Variants in RNF150 observed in about 807,000 individuals in gnomAD.
RNF150 encodes the protein ring finger protein 150.
Under a neutral mutation model 39.3 loss-of-function variants are expected in RNF150, and 24 were observed. The observed-to-expected ratio is 0.61, with a 90% CI of 0.44 to 0.86. RNF150 has a LOEUF of 0.86. Ranked by LOEUF, RNF150 falls within the 40% of genes least tolerant of loss-of-function variation. RNF150 has a pLI of 0.00. For synonymous variants in RNF150, 255 were observed against 227.3 expected (o/e 1.12, Z -1.10); for missense variants, 502 against 587.8 (o/e 0.85, Z 1.51).
intron 1 of RNF150, among the ~76,000 whole-genome samples, chr4:141,178,239 T>A (rs1727848641): frequency 6.6e-6 from 1 of 151,470 alleles, no homozygotes; most frequent in African/African-American, 2.4e-5. Flanking sequence ...AGTATGTGTG[T>A]GTGTATGTGT....
intron 1 of RNF150, among the ~76,000 whole-genome samples, chr4:141,041,586 C>A (rs1364656999): frequency 6.6e-6 from 1 of 151,972 alleles, no homozygotes; most frequent in Non-Finnish European, 1.5e-5. Flanking sequence ...AATCTCTGAC[C>A]AGGAGGAGAA....
intron 1 of RNF150, among the ~76,000 whole-genome samples, chr4:141,067,574 A>G (rs1250833091): frequency 6.6e-6 from 1 of 152,212 alleles, no homozygotes; most frequent in African/African-American, 2.4e-5. Context: ...GGGTACTTTG[A>G]TAACATTTAG....
intron 1 of RNF150, among the ~76,000 whole-genome samples, chr4:141,177,144 A>T (rs1344309443): frequency 6.6e-6 from 1 of 152,084 alleles, no homozygotes; most frequent in Non-Finnish European, 1.5e-5. Context: ...AGGTGGGAGA[A>T]TCCCTTGAGC....
intron 1 of RNF150, among the ~76,000 whole-genome samples, chr4:141,004,237 A>G (rs989951939): frequency 6.6e-6 from 1 of 151,998 alleles, no homozygotes; most frequent in South Asian, 2.1e-4. Context: ...AGTAAAAAAA[A>G]AAAAAAACTC....
chr4:141,053,394 G>C (rs1736852603), intron 1 of RNF150, among the ~76,000 whole-genome samples: 1 of 152,122 alleles, frequency 6.6e-6, no homozygotes, highest in African/African-American at 2.4e-5. Context: ...ATGGATATTA[G>C]CAAAATCATA....
At chr4:141,188,298 G>T (rs1479730603) in intron 1 of RNF150, among the ~76,000 whole-genome samples, 1 of 152,014 alleles carries the variant, frequency 6.6e-6, no homozygotes, top group African/African-American at 2.4e-5. Flanking sequence ...TTCGTTTCAA[G>T]CTTGGTGAAT....
chr4:141,171,444 A>T (rs1176609816), intron 1 of RNF150, among the ~76,000 whole-genome samples: 1 of 134,340 alleles, frequency 7.4e-6, no homozygotes, highest in African/African-American at 2.9e-5. Flanking sequence ...GGATGCATCT[A>T]TGAGAGACAG....
intron 4 of RNF150, among the ~76,000 whole-genome samples, chr4:140,926,369 T>G (rs142476888): frequency 1.1e-3 from 168 of 152,302 alleles, no homozygotes; most frequent in African/African-American, 3.9e-3. Context: ...AGGAAGAAGC[T>G]CCAATGAAAA....
chr4:141,102,192 C>T (rs1170675895), intron 1 of RNF150, among the ~76,000 whole-genome samples: 1 of 152,146 alleles, frequency 6.6e-6, no homozygotes, highest in Non-Finnish European at 1.5e-5. Flanking sequence ...AGTATATCCA[C>T]AGAAGGCATA....
intron 1 of RNF150, among the ~76,000 whole-genome samples, chr4:141,025,995 GC>G (rs2110804049): frequency 6.6e-6 from 1 of 152,222 alleles, no homozygotes; most frequent in African/African-American, 2.4e-5. Flanking sequence ...GAGAGAGTTT[GC>G]TTCCTCTCTA....
intron 1 of RNF150, among the ~76,000 whole-genome samples, chr4:141,000,990 G>C (rs1374368935): frequency 1.3e-5 from 2 of 152,150 alleles, no homozygotes; most frequent in African/African-American, 4.8e-5. Flanking sequence ...TTTGAAAATT[G>C]CTACAGAGAA....
chr4:140,997,576 T>G (rs1734421695), intron 1 of RNF150, among the ~76,000 whole-genome samples: 1 of 148,406 alleles, frequency 6.7e-6, no homozygotes, highest in African/African-American at 2.4e-5. Flanking sequence ...TCTACGAATA[T>G]TCTTGGTTTT....
intron 1 of RNF150, among the ~76,000 whole-genome samples, chr4:141,008,345 T>C (rs758407506): frequency 3.0e-4 from 45 of 152,186 alleles, no homozygotes; most frequent in Non-Finnish European, 4.7e-4. Flanking sequence ...GATATATGTA[T>C]TGCAATCTCT....
At chr4:141,103,324 A>C (rs895604251) in intron 1 of RNF150, among the ~76,000 whole-genome samples, 3 of 152,142 alleles carry the variant, frequency 2.0e-5, no homozygotes, top group Admixed American at 2.0e-4. Context: ...CTCCTCCTTA[A>C]CCCAAGAGCC....
At chr4:141,178,911 G>T (rs115975262) in intron 1 of RNF150, among the ~76,000 whole-genome samples, 2 of 144,190 alleles carry the variant, frequency 1.4e-5, no homozygotes, top group African/African-American at 2.9e-5. Context: ...CTCTTCATTT[G>T]ACTAACACCT....
chr4:141,052,640 T>C (rs951815546), intron 1 of RNF150, among the ~76,000 whole-genome samples: 2 of 152,174 alleles, frequency 1.3e-5, no homozygotes, highest in African/African-American at 4.8e-5. Flanking sequence ...CCTCCCAAAG[T>C]GCTGGGATTA....
chr4:140,880,664 TG>T (rs1190880965), intron 6 of RNF150, among the ~76,000 whole-genome samples: 57 of 152,036 alleles, frequency 3.7e-4, no homozygotes, highest in Middle Eastern at 3.4e-3. Context: ...TTTGTTTGTT[TG>T]TTTGTTTTAA....
chr4:140,927,347 G>C (rs774367049), intron 4 of RNF150, among the ~76,000 whole-genome samples: 1 of 152,118 alleles, frequency 6.6e-6, no homozygotes, highest in African/African-American at 2.4e-5. Flanking sequence ...ATATCATGTC[G>C]AATTGTAATC....
At chr4:141,039,121 C>G (rs1311992879) in intron 1 of RNF150, among the ~76,000 whole-genome samples, 1 of 152,086 alleles carries the variant, frequency 6.6e-6, no homozygotes, top group Non-Finnish European at 1.5e-5. Flanking sequence ...GAAAATAAGG[C>G]AGAGGTCTCA....
Sources: allele counts gnomAD v4.1 joint callset (sites outside exome capture counted in the v4.1 genomes callset), GRCh38; gene constraint gnomAD v4.1.1; transcripts MANE v1.5; gene names NCBI Gene and HGNC (gene_info 2026-07-23, HGNC 2026-07-21).